The following CT45A10 variants were observed in gnomAD, a reference collection of about 807,000 sequenced individuals.
CT45A10 encodes cancer/testis antigen family 45 member A10.
A neutral mutation model predicts 8.3 loss-of-function variants in CT45A10; 19 were observed. That is an observed-to-expected ratio of 2.30 (90% CI 1.61 to 3.38). The LOEUF is 3.38. Among genes scored for constraint, CT45A10 ranks in the 30% most tolerant of loss-of-function variants. CT45A10 has a pLI of 0.00. For synonymous variants in CT45A10, 28 were observed against 26.5 expected (o/e 1.06, Z -0.17); for missense variants, 149 against 85.9 (o/e 1.73, Z -2.90).
chrX:135,892,189 G>T (rs1823968650), intron 1 of CT45A10, among the ~76,000 whole-genome samples: 1 of 111,162 alleles, frequency 9.0e-6, no homozygotes, highest in Non-Finnish European at 1.9e-5. Flanking sequence ...AGGCTTGGTG[G>T]CATGCGCTTG....
At chrX:135,892,228 G>A (rs1197653351) in intron 1 of CT45A10, among the ~76,000 whole-genome samples, 3 of 110,907 alleles carry the variant, frequency 2.7e-5, no homozygotes, top group Non-Finnish European at 5.7e-5. Context: ...CACGAGAATC[G>A]AGCGAGCCTG....
Position 135,882,656 on chromosome X carries a change from G to A in CT45A10, c.419-27C>T, listed in dbSNP as rs1339667817. 42 of 1,152,816 alleles carry A rather than the reference G, an allele frequency of 3.6e-5. 2 individuals carry two copies. The highest frequency in any genetic ancestry group is 4.6e-5 in the Non-Finnish European group (40 of 862,401). ...TGAAGATGTTGAAAAAAAAACTTCA[G>A]TATTATCAAATATAAAGAAGAATAG... is the stretch of plus-strand genomic sequence containing the variant. On this transcript the variant is annotated intron_variant, in intron 3 of 4. Coordinates refer to ENST00000682849, the MANE Select transcript of CT45A10 (RefSeq NM_001291529.2).
At chrX:135,893,275 G>A (rs1270833921) in intron 1 of CT45A10, among the ~76,000 whole-genome samples, 70 bp downstream of exon 1, 10 of 111,599 alleles carry the variant, frequency 9.0e-5, no homozygotes, top group Non-Finnish European at 1.1e-4. Context: ...TGAGGAAAAA[G>A]GACACTTTCC....
intron 1 of CT45A10, among the ~76,000 whole-genome samples, chrX:135,892,901 C>T (rs972281023): frequency 1.1e-4 from 12 of 110,035 alleles, no homozygotes; most frequent in Admixed American, 2.9e-4. Flanking sequence ...GATCATGTGT[C>T]CAGGGCACAG....
At chrX:135,891,415 T>TCA (rs1265935448) in intron 1 of CT45A10, among the ~76,000 whole-genome samples, 12 of 107,515 alleles carry the variant, frequency 1.1e-4, no homozygotes, top group African/African-American at 2.7e-4. Context: ...ATATAATATT[T>TCA]TATATATATA....
In CT45A10 at chrX:135,883,052, T is replaced by A. The variant is rs1442403718; in HGVS notation, c.374A>T (p.Asp125Val). The A allele has an allele frequency of 1.5e-4, 177 of 1,197,329 alleles. 5 individuals carry two copies. Among genetic ancestry groups the A allele is most frequent in the Non-Finnish European group, 2.0e-4 (174 of 885,512 alleles). Residue 125 changes from aspartate to valine, a missense_variant, in exon 3 of 5, where the codon GAT (aspartate) becomes GTT (valine). By Grantham distance (152) the Asp-to-Val change is radical. Coordinates refer to ENST00000682849, the MANE Select transcript of CT45A10 (RefSeq NM_001291529.2). ...TTCCTTCACTACTTGACATTTTATA[T>A]CAGCATTAATTTCTTGTTGGCTTTT... ...SPKSQQEINA[D>V]IKCQVVKEIR...
In CT45A10 at chrX:135,883,156, G is replaced by T. The variant is rs1290944412; in HGVS notation, c.270C>A (p.Ser90Arg). Reference sequence around the variant, plus strand: ...TAACGTTTCCTCCCACAGGTGCATTGCTACCAGGTTTCTGCATCATCCCAT... The same window carrying T: ...TAACGTTTCCTCCCACAGGTGCATTTCTACCAGGTTTCTGCATCATCCCAT... The part of the protein sequence containing the change: ...SKDGMMQKPG[S>R]NAPVGGNVTS... The change falls in exon 3 of 5, where the codon AGC (serine) becomes AGA (arginine). Residue 90 changes from serine (S) to arginine (R), a missense_variant. By Grantham distance (110) the Ser-to-Arg change is moderately radical (BLOSUM62 -1). Coordinates refer to ENST00000682849, the MANE Select transcript of CT45A10 (RefSeq NM_001291529.2). 148 of 1,197,154 alleles carry T rather than the reference G, an allele frequency of 1.2e-4. 3 individuals carry two copies. Among genetic ancestry groups the T allele is most frequent in the Non-Finnish European group, 1.5e-4 (136 of 885,722 alleles).
Position 135,893,372 on chromosome X carries a change from C to G in CT45A10, c.-34G>C, listed in dbSNP as rs782460666. The stretch of plus-strand genomic sequence containing the variant: ...TGCCGGAGGAGGGGCGGCAGCACCT[C>G]ACAAAATGGCAGTGAAGTTGTGGCG... On this transcript the variant is annotated 5_prime_UTR_variant, in exon 1 of 5. Transcript: ENST00000682849. Among the ~76,000 whole-genome samples, 1 of 112,806 alleles carries G rather than the reference C, an allele frequency of 8.9e-6. No individual in the cohort carries two copies. Among genetic ancestry groups the G allele is most frequent in the East Asian group, 2.8e-4 (1 of 3,561 alleles).
In CT45A10 at chrX:135,882,906, C is replaced by G. The variant is rs2088397375; in HGVS notation, c.418+102G>C. 1.4e-5 allele frequency: 14 copies of G among 1,007,194 alleles called. No homozygotes were observed. In the Admixed American group the frequency reaches 3.7e-4, roughly 27 times the overall value. 83.0% of individuals were successfully genotyped at this position (1,007,194 alleles called of 1,213,427 possible). On this transcript the variant is annotated intron_variant, in intron 3 of 4. Coordinates refer to ENST00000682849, the MANE Select transcript of CT45A10 (RefSeq NM_001291529.2). ...CCATAAATTATGTGCAGTCTCAACTCTGGCAAAGAATGAGCCTCAAGAGGT... is the reference window on the plus strand; with the variant it reads ...CCATAAATTATGTGCAGTCTCAACTGTGGCAAAGAATGAGCCTCAAGAGGT...
rs2088406268 is a variant in CT45A10 at position 135,883,144 on chromosome X, C to T, written c.282G>A (p.Val94=). 3 of 1,198,820 alleles carry T rather than the reference C, an allele frequency of 2.5e-6. No individual in the cohort carries two copies. Among genetic ancestry groups the T allele is most frequent in the Non-Finnish European group, 3.4e-6 (3 of 885,911 alleles). Residue 94 remains valine, a synonymous_variant, in exon 3 of 5, where the codon GTG becomes GTA. Coordinates refer to ENST00000682849, the MANE Select transcript of CT45A10 (RefSeq NM_001291529.2). ...AGAAATTGCTGGTAACGTTTCCTCCCACAGGTGCATTGCTACCAGGTTTCT... is the reference window on the plus strand; with the variant it reads ...AGAAATTGCTGGTAACGTTTCCTCCTACAGGTGCATTGCTACCAGGTTTCT... ...MMQKPGSNAP[V]GGNVTSNFSG... is the part of the protein sequence containing the mutation.
chrX:135,881,555 G>A (rs1216235825), intron 4 of CT45A10, among the ~76,000 whole-genome samples: 1 of 39,465 alleles, frequency 2.5e-5, no homozygotes, highest in African/African-American at 1.1e-4. Context: ...ACAGTTTGGA[G>A]GTTCCTCAAA....
At chrX:135,882,979 T>C in intron 3 of CT45A10, 29 bp downstream of exon 3, 2 of 1,191,679 alleles carry the variant, frequency 1.7e-6, no homozygotes, top group South Asian at 1.8e-5. Context: ...CCTACAGTTT[T>C]ATAAAACAGA....
chrX:135,882,949 A>T, intron 3 of CT45A10, 59 bp downstream of exon 3: 1 of 1,160,663 alleles, frequency 8.6e-7, no homozygotes, highest in Non-Finnish European at 1.2e-6. Flanking sequence ...ATATCTTCTG[A>T]ATCATAGAAA....
rs1371208396 is a variant in CT45A10 at position 135,883,022 on chromosome X, C to T, written c.404G>A (p.Arg135Gln). The T allele has an allele frequency of 1.1e-5, 13 of 1,196,843 alleles. No homozygotes were observed. In the East Asian group the frequency reaches 2.7e-4, roughly 25 times the overall value. Residue 135 changes from arginine to glutamine, a missense_variant, in exon 3 of 5, where the codon CGA (arginine) becomes CAA (glutamine). Transcript: ENST00000682849. ...DIKCQVVKEIRCLGRKYEKIF... is the reference protein window; with the variant it reads ...DIKCQVVKEIQCLGRKYEKIF... ...ACACTACTTACTTCGTCCAAGGCAT[C>T]GGATTTCCTTCACTACTTGACATTT...
intron 1 of CT45A10, among the ~76,000 whole-genome samples, chrX:135,890,225 A>G (rs782272769): frequency 3.9e-4 from 44 of 112,301 alleles, no homozygotes; most frequent in Non-Finnish European, 7.1e-4. Context: ...ATCCTGCTAC[A>G]TTTCTTGGTT....
At position 135,883,237 on chromosome X, in the gene CT45A10, A is replaced by G. The variant is rs2088408200; in HGVS notation, c.189T>C (p.Ala63=). The G allele has an allele frequency of 2.5e-6, 3 of 1,195,459 alleles. No individual in the cohort carries two copies. The highest frequency in any genetic ancestry group is 6.0e-5 in the East Asian group (2 of 33,566). ...GAGAATCCAATTGGCTGGGTGGAAT[A>G]GCATGTCCTGTCATAAGCTCTGGTG... The part of the protein sequence containing the change: ...SKEKKLMTGH[A]IPPSQLDSQI... Residue 63 remains alanine (A), a synonymous_variant, in exon 3 of 5, where the codon GCT becomes GCC. Transcript: ENST00000682849.
In CT45A10 at chrX:135,883,274, G is replaced by C. The variant is rs1418738193; in HGVS notation, c.170-18C>G. 2.5e-6 allele frequency: 3 copies of C among 1,193,878 alleles called. No individual in the cohort carries two copies. In the African/African-American group the frequency reaches 5.3e-5, roughly 21 times the overall value. On this transcript the variant is annotated intron_variant, in intron 2 of 4. Coordinates refer to ENST00000682849, the MANE Select transcript of CT45A10 (RefSeq NM_001291529.2). The stretch of plus-strand genomic sequence containing the variant: ...CATAAGCTCTGGTGAAACAAATTTT[G>C]AGTAAAAGCCATCAGTTGGTGTTTG...
intron 1 of CT45A10, among the ~76,000 whole-genome samples, chrX:135,889,436 G>GC (rs782797110): frequency 1.9e-5 from 2 of 106,319 alleles, no homozygotes; most frequent in Admixed American, 1.0e-4. Context: ...CCAAGATCGT[G>GC]CCAGTGCACT....
In CT45A10 at chrX:135,889,711, T is replaced by A. The variant is rs781901827; in HGVS notation, c.-7+3634A>T. On this transcript the variant is annotated intron_variant, in intron 1 of 4. Coordinates refer to ENST00000682849, the MANE Select transcript of CT45A10 (RefSeq NM_001291529.2). ...CTAAAAATACAGAAAATTAGCCAGGTGTGGTGGCACGCACCTGTAGTCCCG... is the reference window on the plus strand; with the variant it reads ...CTAAAAATACAGAAAATTAGCCAGGAGTGGTGGCACGCACCTGTAGTCCCG... Among the ~76,000 whole-genome samples, 4 of 108,808 alleles carry A rather than the reference T, an allele frequency of 3.7e-5. No individual in the cohort carries two copies. In the South Asian group the frequency reaches 1.2e-3, roughly 33 times the overall value. 94.5% of individuals were successfully genotyped at this position (108,808 alleles called of 115,157 possible).
Sources: gnomAD v4.1 joint callset for allele counts (sites outside exome capture counted in the v4.1 genomes callset) on GRCh38, gnomAD v4.1.1 for gene constraint, MANE v1.5 for transcripts, NCBI Gene and HGNC (gene_info 2026-07-23, HGNC 2026-07-21) for gene names.